Variants in DLG2 observed in about 807,000 individuals in gnomAD.
DLG2 encodes discs large MAGUK scaffold protein 2.
Under a neutral mutation model 132.5 loss-of-function variants are expected in DLG2, and 45 were observed. That is an observed-to-expected ratio of 0.34 (90% CI 0.27 to 0.44). The LOEUF (loss-of-function observed/expected upper bound fraction) is 0.44. DLG2 is among the 20% of genes least tolerant of loss of function. DLG2 has a pLI of 1.00. For synonymous variants in DLG2, 424 were observed against 419.6 expected, an observed-to-expected ratio of 1.01 and a Z score of -0.13; for missense variants, 1,045 against 1,196.9, an observed-to-expected ratio of 0.87 and a Z score of 1.87.
intron 10 of DLG2, among the ~76,000 whole-genome samples, chr11:84,096,047 G>A (rs551891908): frequency 6.9e-4 from 105 of 152,274 alleles, no homozygotes; most frequent in African/African-American, 2.4e-3. Flanking sequence ...CTTTACCTTT[G>A]GGGGTTTTTA....
At chr11:84,121,136 G>A (rs2093891687) in intron 9 of DLG2, among the ~76,000 whole-genome samples, 1 of 152,106 alleles carries the variant, frequency 6.6e-6, no homozygotes, top group Admixed American at 6.5e-5. Flanking sequence ...GAACAAAACA[G>A]GCACAGTCCT....
At chr11:85,215,987 T>A (rs1332064420) in intron 4 of DLG2, among the ~76,000 whole-genome samples, 3 of 143,072 alleles carry the variant, frequency 2.1e-5, no homozygotes, top group Non-Finnish European at 3.0e-5. Context: ...AAACAGATCA[T>A]TAGGATATAA....
At chr11:85,490,371 T>C (rs529462722) in intron 3 of DLG2, among the ~76,000 whole-genome samples, 5 of 151,516 alleles carry the variant, frequency 3.3e-5, no homozygotes, top group Non-Finnish European at 7.4e-5. Context: ...ACTAGTTAGA[T>C]TGAACAACTA....
chr11:84,608,444 G>T lies in DLG2; in HGVS notation c.358-73713C>A, dbSNP rs144928330. ...CTTATCTGCTGAAGCAGTGACTCAT[G>T]AAATTCACAACGTGCTAAGATTCGG... On this transcript the variant is annotated intron_variant, in intron 6 of 27. Transcript: ENST00000376104. 4.5e-3 allele frequency among the ~76,000 whole-genome samples: 686 copies of T among 152,268 alleles called. 6 individuals carry two copies. The highest frequency in any genetic ancestry group is 0.01 in the Middle Eastern group (3 of 294).
At chr11:85,269,658 G>A (rs1343593799) in intron 4 of DLG2, among the ~76,000 whole-genome samples, 1 of 152,176 alleles carries the variant, frequency 6.6e-6, no homozygotes, top group Non-Finnish European at 1.5e-5. Flanking sequence ...GTTCACAATA[G>A]TGTTAATGTT....
At chr11:84,252,354 T>C (rs1020166455) in intron 7 of DLG2, among the ~76,000 whole-genome samples, 4 of 151,752 alleles carry the variant, frequency 2.6e-5, no homozygotes, top group Admixed American at 6.6e-5. Flanking sequence ...TTTCACCATA[T>C]TGACCAGGCT....
At chr11:83,726,624 C>T (rs1356582151) in intron 18 of DLG2, among the ~76,000 whole-genome samples, 1 of 152,084 alleles carries the variant, frequency 6.6e-6, no homozygotes, top group African/African-American at 2.4e-5. Flanking sequence ...AAGTGTAGAC[C>T]TGTAGACCAT....
intron 18 of DLG2, among the ~76,000 whole-genome samples, chr11:83,753,795 GATATATC>G (rs1566830280): frequency 3.0e-5 from 3 of 101,300 alleles, no homozygotes; most frequent in Non-Finnish European, 5.4e-5. Flanking sequence ...TCATATATAT[GATATATC>G]ATATATATCA....
intron 6 of DLG2, among the ~76,000 whole-genome samples, chr11:84,823,715 A>G (rs903295017): frequency 6.6e-6 from 1 of 151,560 alleles, no homozygotes; most frequent in Non-Finnish European, 1.5e-5. Flanking sequence ...ATTTCTTTTT[A>G]TTTGGAATGT....
At chr11:84,023,042 T>C (rs1361436150) in intron 11 of DLG2, among the ~76,000 whole-genome samples, 2 of 152,120 alleles carry the variant, frequency 1.3e-5, no homozygotes, top group Non-Finnish European at 2.9e-5. Context: ...TCTTTATTTT[T>C]CTCTTTTTAA....
intron 6 of DLG2, among the ~76,000 whole-genome samples, chr11:84,613,134 ATCC>A (rs2099598246): frequency 6.6e-6 from 1 of 152,104 alleles, no homozygotes; most frequent in Admixed American, 6.6e-5. Context: ...CTAATTTGGA[ATCC>A]TCCTAGCAAC....
chr11:84,698,009 T>G (rs2153735306), intron 6 of DLG2, among the ~76,000 whole-genome samples: 1 of 151,668 alleles, frequency 6.6e-6, no homozygotes, highest in Middle Eastern at 3.4e-3. Context: ...GTTCAATTAT[T>G]TTATTTAATG....
chr11:85,306,221 C>G (rs142814462), intron 3 of DLG2, among the ~76,000 whole-genome samples: 1 of 152,194 alleles, frequency 6.6e-6, no homozygotes, highest in Non-Finnish European at 1.5e-5. Flanking sequence ...CTGCAAGTCT[C>G]TTCTATGCCA....
At chr11:85,048,079 G>T (rs1456176106) in intron 6 of DLG2, among the ~76,000 whole-genome samples, 3 of 151,820 alleles carry the variant, frequency 2.0e-5, no homozygotes, top group African/African-American at 4.8e-5. Flanking sequence ...AGCTTTGATA[G>T]TATCTTGTTT....
chr11:85,555,788 T>C (rs1308251403), intron 3 of DLG2, among the ~76,000 whole-genome samples: 4 of 151,864 alleles, frequency 2.6e-5, no homozygotes, highest in Admixed American at 6.6e-5. Flanking sequence ...AGGCCCCTCA[T>C]TTTTCTGCCA....
intron 4 of DLG2, among the ~76,000 whole-genome samples, chr11:85,181,113 C>T (rs2079663861): frequency 1.3e-5 from 2 of 151,536 alleles, no homozygotes; most frequent in Admixed American, 6.6e-5. Context: ...CTAGCACTTC[C>T]ATTTTACTAG....
chr11:83,817,718 T>C (rs1327810463), intron 17 of DLG2, among the ~76,000 whole-genome samples: 2 of 151,950 alleles, frequency 1.3e-5, no homozygotes, highest in African/African-American at 2.4e-5. Context: ...CTTAGAAATA[T>C]TTTAAAAATT....
intron 3 of DLG2, among the ~76,000 whole-genome samples, chr11:85,296,076 C>T (rs1383792289): frequency 1.3e-5 from 2 of 151,998 alleles, no homozygotes; most frequent in Non-Finnish European, 2.9e-5. Flanking sequence ...ATTAGTTACG[C>T]AATAATATTG....
intron 6 of DLG2, among the ~76,000 whole-genome samples, chr11:84,650,863 GTGTGTGTGTGTATA>G (rs1239793662): frequency 9.8e-5 from 9 of 92,250 alleles, no homozygotes; most frequent in African/African-American, 4.1e-4. Context: ...GTGTGTGTGT[GTGTGTGTGTGTATA>G]TATATATATA....
Sources: allele counts gnomAD v4.1 joint callset (sites outside exome capture counted in the v4.1 genomes callset), GRCh38; gene constraint gnomAD v4.1.1; transcripts MANE v1.5; gene names NCBI Gene and HGNC (gene_info 2026-07-23, HGNC 2026-07-21).